The following ARHGAP32 variants were observed in gnomAD, a reference collection of about 807,000 sequenced individuals.
ARHGAP32 encodes the protein Rho GTPase activating protein 32.
Under a neutral mutation model 186.5 loss-of-function variants are expected in ARHGAP32, and 51 were observed. The observed-to-expected ratio is 0.27, with a 90% CI of 0.22 to 0.35. The LOEUF is 0.35. Among genes scored for constraint, ARHGAP32 ranks in the 10% least tolerant of loss-of-function variants. The pLI is 1.00. For missense variants in ARHGAP32, 2,186 were observed against 2,623.5 expected (o/e 0.83, Z 3.64); for synonymous variants, 950 against 964.3 (o/e 0.99, Z 0.27).
intron 1 of ARHGAP32, among the ~76,000 whole-genome samples, chr11:129,238,327 T>C (rs1434169682): frequency 1.3e-5 from 2 of 152,144 alleles, no homozygotes; most frequent in East Asian, 3.9e-4. Context: ...TGCTTATGCC[T>C]TTCTGTGCCC....
chr11:129,173,076 C>T (rs1943806480), intron 1 of ARHGAP32, among the ~76,000 whole-genome samples: 1 of 150,406 alleles, frequency 6.6e-6, no homozygotes, highest in African/African-American at 2.4e-5. Flanking sequence ...ACTAGCTAGA[C>T]TAACAAAGAA....
intron 1 of ARHGAP32, among the ~76,000 whole-genome samples, chr11:129,246,232 A>C (rs1945095528): frequency 6.6e-6 from 1 of 152,180 alleles, no homozygotes. Context: ...CAGTTGTAAC[A>C]CAGATTCCAA....
At chr11:129,164,149 A>G (rs917899086) in intron 2 of ARHGAP32, among the ~76,000 whole-genome samples, 170 bp downstream of exon 2, 1 of 152,132 alleles carries the variant, frequency 6.6e-6, no homozygotes, top group African/African-American at 2.4e-5. Context: ...CTCTGCCCAC[A>G]GACTCTACGA....
intron 10 of ARHGAP32, among the ~76,000 whole-genome samples, chr11:129,060,198 AT>A (rs1423410814): frequency 6.6e-6 from 1 of 152,232 alleles, no homozygotes; most frequent in Non-Finnish European, 1.5e-5. Flanking sequence ...CTGAATAAAT[AT>A]CTGTTACATA....
rs762211652 is a variant in ARHGAP32, at chr11:128,969,406, T to C, written c.5807A>G (p.Asn1936Ser). ...PDTSEPVSYH[N>S]SGVKYAASGQ... ...GGATGCAGCATATTTTACTCCAGAG[T>C]TGTGGTAGCTGACTGGCTCAGAAGT... Residue 1936 changes from asparagine (N) to serine (S), a missense_variant, in exon 23 of 23, where the codon AAC becomes AGC. Coordinates refer to ENST00000682385, the MANE Select transcript of ARHGAP32 (RefSeq NM_001378024.1). This position sits in a 1 kb window ranked among gnomAD's most constrained non-coding sequence, Gnocchi z 4.8. 6.2e-7 allele frequency: 1 copy of C among 1,614,148 alleles called. No homozygotes were observed. The highest frequency in any genetic ancestry group is 1.7e-5 in the Admixed American group (1 of 60,016).
At chr11:129,016,241 A>AGGG (rs1328124578) in intron 11 of ARHGAP32, among the ~76,000 whole-genome samples, 1 of 152,084 alleles carries the variant, frequency 6.6e-6, no homozygotes, top group African/African-American at 2.4e-5. Flanking sequence ...CTTACTGATG[A>AGGG]ATAAGAATTC....
intron 1 of ARHGAP32, among the ~76,000 whole-genome samples, chr11:129,266,896 C>T (rs1358203347): frequency 6.6e-6 from 1 of 152,138 alleles, no homozygotes. Context: ...GGCCTCTCCC[C>T]TGAGTCAGTT....
chr11:129,064,900 G>A lies in ARHGAP32; in HGVS notation c.703C>T (p.Arg235Cys), dbSNP rs779748453. The A allele has an allele frequency of 3.8e-6, 6 of 1,596,692 alleles. No individual in the cohort carries two copies. The highest frequency in any genetic ancestry group is 2.7e-5 in the African/African-American group (2 of 74,468). Residue 235 changes from arginine (R) to cysteine (C), a missense_variant, in exon 8 of 23, where the codon CGC (arginine) becomes TGC (cysteine). By Grantham distance (180) the Arg-to-Cys change is radical. Around this residue, in one of 5 missense-constraint regions of ARHGAP32, gnomAD observed 308 missense variants for 596.5 expected, o/e 0.52. Transcript: ENST00000682385. Reference protein sequence around the residue: ...VTQMLMAYLSRLSAIAGNKIN... With the variant: ...VTQMLMAYLSCLSAIAGNKIN... The stretch of plus-strand genomic sequence containing the variant: ...TTGTTGCCAGCGATAGCTGAAAGGC[G>A]TGACAGGTAAGCCATAAGCATCTGA...
chr11:129,200,504 TG>T (rs1411062987), intron 1 of ARHGAP32, among the ~76,000 whole-genome samples: 2 of 152,212 alleles, frequency 1.3e-5, no homozygotes, highest in Non-Finnish European at 2.9e-5. Context: ...TTCTTTCTCT[TG>T]TCTGCTCCCA....
intron 1 of ARHGAP32, among the ~76,000 whole-genome samples, chr11:129,213,940 G>A (rs559113008): frequency 3.1e-4 from 47 of 151,946 alleles, no homozygotes; most frequent in Non-Finnish European, 6.2e-4. Flanking sequence ...AAGAATGTTT[G>A]TTTTGTTTTC....
rs61748829 is a variant in ARHGAP32 at position 128,970,977 on chromosome 11, G to A, written c.4236C>T (p.Arg1412=). 0.012 allele frequency: 19,492 copies of A among 1,613,788 alleles called. 164 individuals are homozygous for A. Among genetic ancestry groups the A allele is most frequent in the Non-Finnish European group, 0.014 (16,297 of 1,180,000 alleles). ...AGGGATGCGCAGGGACAGACTCGGC[G>A]CGCAGGTGCAGCAGCGGGACCCGGG... ...DGARVPLLHL[R]AESVPAHPCG... The change falls in exon 23 of 23, where the codon CGC becomes CGT. Residue 1412 remains arginine, a synonymous_variant. Transcript: ENST00000682385. The surrounding 1 kb of genome is among the most constrained non-coding windows in gnomAD (Gnocchi z 5.8).
intron 2 of ARHGAP32, among the ~76,000 whole-genome samples, chr11:129,157,723 CA>C (rs1943439147): frequency 6.6e-6 from 1 of 152,070 alleles, no homozygotes; most frequent in Non-Finnish European, 1.5e-5. Context: ...TCAGGAAATA[CA>C]GAGAACACCA....
At chr11:129,084,991 C>A (rs1397779459) in intron 6 of ARHGAP32, among the ~76,000 whole-genome samples, 1 of 151,732 alleles carries the variant, frequency 6.6e-6, no homozygotes, top group Non-Finnish European at 1.5e-5. Flanking sequence ...TTCCTACATA[C>A]CAGCAATGAG....
At chr11:129,053,824 T>G (rs1007249516) in intron 10 of ARHGAP32, among the ~76,000 whole-genome samples, 4 of 152,184 alleles carry the variant, frequency 2.6e-5, no homozygotes, top group Non-Finnish European at 5.9e-5. Context: ...CAGTATAATA[T>G]GATTTCCCAT....
At position 128,966,247 on chromosome 11, in the gene ARHGAP32, T is replaced by C. The variant is rs1380520117; in HGVS notation, c.*2660A>G. 2 of 152,242 alleles carry C rather than the reference T, an allele frequency of 1.3e-5. No homozygotes were observed. Among genetic ancestry groups the C allele is most frequent in the Non-Finnish European group, 2.9e-5 (2 of 68,048 alleles). The allele number at this position is 152,242 out of a possible 1,614,324, so 9.4% of individuals were successfully genotyped here. ...TAATGTATAAGGCAGCTCCATTTCC[T>C]TGATCATAATGCTCCATGTCAAAAT... On this transcript the variant is annotated 3_prime_UTR_variant, in exon 23 of 23. Coordinates refer to ENST00000682385, the MANE Select transcript of ARHGAP32 (RefSeq NM_001378024.1).
chr11:128,979,280 T>A lies in ARHGAP32; in HGVS notation c.1977-365A>T, dbSNP rs1945642948. ...TAAAGAAAATGATTTTAGGTGTGAG[T>A]AGAGAATAAAGGCAAACAAAGAAGA... On this transcript the variant is annotated intron_variant, in intron 18 of 22. Transcript: ENST00000682385. Among the ~76,000 whole-genome samples, 2 of 152,162 alleles carry A rather than the reference T, an allele frequency of 1.3e-5. 1 individual carries two copies. The highest frequency in any genetic ancestry group is 4.2e-4 in the South Asian group (2 of 4,788).
At chr11:129,250,654 CTTTG>C (rs1053585403) in intron 1 of ARHGAP32, among the ~76,000 whole-genome samples, 16 of 152,296 alleles carry the variant, frequency 1.1e-4, no homozygotes, top group East Asian at 1.9e-4. Context: ...CCTTATACCT[CTTTG>C]TTTGGCTCTA....
chr11:129,248,382 T>A (rs1945132866), intron 1 of ARHGAP32, among the ~76,000 whole-genome samples: 1 of 152,196 alleles, frequency 6.6e-6, no homozygotes, highest in Non-Finnish European at 1.5e-5. Flanking sequence ...GCAGTGTTTT[T>A]ATTTATGTCT....
chr11:129,276,734 T>G (rs1284992423), intron 1 of ARHGAP32, among the ~76,000 whole-genome samples: 1 of 152,240 alleles, frequency 6.6e-6, no homozygotes, highest in African/African-American at 2.4e-5. Flanking sequence ...TAAAAACAGT[T>G]CTGCAGAGCA....
Sources: gnomAD v4.1 joint callset for allele counts (sites outside exome capture counted in the v4.1 genomes callset) on GRCh38, gnomAD v4.1.1 for gene constraint, gnomAD v4.1.1 regional missense constraint, Gnocchi (gnomAD v3.1) non-coding constraint, MANE v1.5 for transcripts, NCBI Gene and HGNC (gene_info 2026-07-23, HGNC 2026-07-21) for gene names.